SLC24A3: variants seen among roughly 807,000 people sequenced by gnomAD.
SLC24A3 encodes sodium/potassium/calcium exchanger 3.
SLC24A3 carries 28 observed loss-of-function variants against 75.8 expected under a neutral mutation model. That is an observed-to-expected ratio of 0.37 (90% CI 0.27 to 0.51). The LOEUF (loss-of-function observed/expected upper bound fraction) is 0.51. Ranked by LOEUF, SLC24A3 falls within the 20% of genes least tolerant of loss-of-function variation. SLC24A3 has a pLI of 0.94. For missense variants in SLC24A3, 663 were observed against 847.8 expected, an observed-to-expected ratio of 0.78 and a Z score of 2.71; for synonymous variants, 372 against 334.1, an observed-to-expected ratio of 1.11 and a Z score of -1.24.
At chr20:19,290,622 A>C (rs144826094) in intron 2 of SLC24A3, among the ~76,000 whole-genome samples, 1 of 152,266 alleles carries the variant, frequency 6.6e-6, no homozygotes, top group Non-Finnish European at 1.5e-5. Flanking sequence ...AGCTGTGAGA[A>C]ATAAATTTCT....
At chr20:19,291,309 A>AG (rs2122235669) in intron 2 of SLC24A3, among the ~76,000 whole-genome samples, 1 of 152,210 alleles carries the variant, frequency 6.6e-6, no homozygotes, top group East Asian at 1.9e-4. Flanking sequence ...GTTTCTCAGC[A>AG]GGCTCCATGA....
chr20:19,383,201 A>T (rs1986213610), intron 2 of SLC24A3, among the ~76,000 whole-genome samples: 2 of 152,200 alleles, frequency 1.3e-5, no homozygotes, highest in African/African-American at 4.8e-5. Flanking sequence ...TGGCTCATCC[A>T]GTCCATTTTC....
intron 1 of SLC24A3, among the ~76,000 whole-genome samples, chr20:19,239,759 C>G (rs929495205): frequency 1.3e-5 from 2 of 152,188 alleles, no homozygotes; most frequent in African/African-American, 4.8e-5. Flanking sequence ...TCTCAAAGGT[C>G]CCCCTCGATG....
intron 1 of SLC24A3, among the ~76,000 whole-genome samples, chr20:19,275,534 G>A (rs1167938905): frequency 6.6e-6 from 1 of 152,190 alleles, no homozygotes; most frequent in Non-Finnish European, 1.5e-5. Context: ...ATAGGAGACA[G>A]TGTTAGGGTG....
chr20:19,513,727 C>CT (rs750433352), intron 2 of SLC24A3, among the ~76,000 whole-genome samples: 292 of 95,816 alleles, frequency 3.0e-3, no homozygotes, highest in Non-Finnish European at 3.5e-3. Context: ...GTGGGTCTTG[C>CT]TTTTTTTTTA....
intron 2 of SLC24A3, among the ~76,000 whole-genome samples, chr20:19,397,505 A>G (rs1986474514): frequency 6.6e-6 from 1 of 152,228 alleles, no homozygotes; most frequent in South Asian, 2.1e-4. Context: ...TCCTAAAAAC[A>G]ACTTATTATG....
At chr20:19,418,214 C>T (rs770121082) in intron 2 of SLC24A3, among the ~76,000 whole-genome samples, 18 of 152,120 alleles carry the variant, frequency 1.2e-4, no homozygotes, top group Non-Finnish European at 1.8e-4. Flanking sequence ...ACAGAGACAG[C>T]GTGGAGCACA....
chr20:19,448,005 A>G (rs1987415346), intron 2 of SLC24A3, among the ~76,000 whole-genome samples: 1 of 152,228 alleles, frequency 6.6e-6, no homozygotes, highest in African/African-American at 2.4e-5. Context: ...TCATCGTTTC[A>G]TGAACAAAAT....
At chr20:19,524,663 T>G (rs2030165021) in intron 3 of SLC24A3, among the ~76,000 whole-genome samples, 1 of 152,244 alleles carries the variant, frequency 6.6e-6, no homozygotes. Context: ...CCCCACTTCA[T>G]GTATTTCCTT....
chr20:19,466,614 C>G (rs1987769454), intron 2 of SLC24A3, among the ~76,000 whole-genome samples: 1 of 152,194 alleles, frequency 6.6e-6, no homozygotes, highest in Non-Finnish European at 1.5e-5. Flanking sequence ...TGTCCGATTT[C>G]CATGGCTCTG....
intron 2 of SLC24A3, among the ~76,000 whole-genome samples, chr20:19,370,717 C>G (rs1179428508): frequency 6.6e-6 from 1 of 152,224 alleles, no homozygotes; most frequent in Non-Finnish European, 1.5e-5. Context: ...CCTATCCCAG[C>G]AGGAGAAATA....
chr20:19,533,743 CA>C (rs2030345909), intron 3 of SLC24A3, among the ~76,000 whole-genome samples: 1 of 152,198 alleles, frequency 6.6e-6, no homozygotes, highest in South Asian at 2.1e-4. Context: ...TTTATCCCAG[CA>C]GCATTGAAAG....
intron 2 of SLC24A3, among the ~76,000 whole-genome samples, chr20:19,386,604 C>A (rs905971480): frequency 6.6e-6 from 1 of 152,060 alleles, no homozygotes; most frequent in Non-Finnish European, 1.5e-5. Flanking sequence ...ACCTAATTTT[C>A]TGGGAGTTTT....
At chr20:19,662,916 G>A (rs1427484529) in intron 7 of SLC24A3, among the ~76,000 whole-genome samples, 4 of 152,162 alleles carry the variant, frequency 2.6e-5, no homozygotes, top group Non-Finnish European at 4.4e-5. Flanking sequence ...GTACCCTCCC[G>A]ATGGAACGTT....
chr20:19,299,198 A>ATGTGTGTGTGTG (rs57048749), intron 2 of SLC24A3, among the ~76,000 whole-genome samples: 4,876 of 144,968 alleles, frequency 0.034, 254 homozygotes, highest in African/African-American at 0.11. Context: ...GTGTGTGTGT[A>ATGTGTGTGTGTG]TGTGTGTGTG....
chr20:19,225,942 G>C lies in SLC24A3; in HGVS notation c.142+12958G>C, dbSNP rs149805157. Among the ~76,000 whole-genome samples the C allele has an allele frequency of 3.3e-5, 5 of 152,222 alleles. No homozygotes were observed. The East Asian group carries it at 7.7e-4, about 24-fold the overall frequency. Reference sequence around the variant, plus strand: ...TTCCTTTTTCTTGACTTATTACAGTGGCTAAGACTTTTAGTACAATATTGA... The same window carrying C: ...TTCCTTTTTCTTGACTTATTACAGTCGCTAAGACTTTTAGTACAATATTGA... On this transcript the variant is annotated intron_variant, in intron 1 of 16. Coordinates refer to ENST00000328041, the MANE Select transcript of SLC24A3 (RefSeq NM_020689.4).
chr20:19,275,160 C>T, intron 1 of SLC24A3, among the ~76,000 whole-genome samples: 1 of 152,098 alleles, frequency 6.6e-6, no homozygotes, highest in East Asian at 1.9e-4. Flanking sequence ...TTAATACGTC[C>T]TCTCAAAAGG....
At chr20:19,417,073 C>T (rs988305808) in intron 2 of SLC24A3, among the ~76,000 whole-genome samples, 1 of 152,004 alleles carries the variant, frequency 6.6e-6, no homozygotes, top group African/African-American at 2.4e-5. Context: ...ACTGGAGAGG[C>T]CACATACACA....
At chr20:19,224,050 G>T (rs1412979266) in intron 1 of SLC24A3, among the ~76,000 whole-genome samples, 7 of 152,120 alleles carry the variant, frequency 4.6e-5, no homozygotes, top group African/African-American at 1.7e-4. Flanking sequence ...TCGACTGCAG[G>T]TAACTGAAAC....
Sources: gnomAD v4.1 joint callset for allele counts (sites outside exome capture counted in the v4.1 genomes callset) on GRCh38, gnomAD v4.1.1 for gene constraint, MANE v1.5 for transcripts, NCBI Gene and HGNC (gene_info 2026-07-23, HGNC 2026-07-21) for gene names.